Variants in ZNF354A observed in about 807,000 individuals in gnomAD.
ZNF354A encodes epididymis luminal protein 104.
A neutral mutation model predicts 53.3 loss-of-function variants in ZNF354A; 25 were observed. That is an observed-to-expected ratio of 0.47 (90% confidence interval 0.34 to 0.66). The LOEUF is 0.66. Ranked by LOEUF, ZNF354A falls within the 30% of genes least tolerant of loss-of-function variation. ZNF354A has a pLI of 0.01. For missense variants in ZNF354A, 586 were observed against 716.8 expected (o/e 0.82, Z 2.08); for synonymous variants, 228 against 249.0 (o/e 0.92, Z 0.79).
rs535784696 is a variant in ZNF354A at position 178,720,936 on chromosome 5, C to A, written c.256+4440G>T. On this transcript the variant is annotated intron_variant, in intron 4 of 4. Coordinates refer to ENST00000335815, the MANE Select transcript of ZNF354A (RefSeq NM_005649.3). ...ATTCTTTTTGTGGCTAAGCCACCAACCTGGAACACAATTAGGGTTGTTTCA... is the reference window on the plus strand; with the variant it reads ...ATTCTTTTTGTGGCTAAGCCACCAAACTGGAACACAATTAGGGTTGTTTCA... Among the ~76,000 whole-genome samples the A allele has an allele frequency of 7.2e-5, 11 of 152,312 alleles. No homozygotes were observed. In the South Asian group the frequency reaches 1.9e-3, roughly 26 times the overall value.
At chr5:178,717,656 G>C (rs1262689705) in intron 4 of ZNF354A, among the ~76,000 whole-genome samples, 1 of 152,092 alleles carries the variant, frequency 6.6e-6, no homozygotes, top group African/African-American at 2.4e-5. Context: ...GAGATCTGGG[G>C]GAGGTCAGAG....
At chr5:178,729,194 A>C (rs921963213) in intron 1 of ZNF354A, 121 bp from the exon 2 acceptor site, 1 of 561,860 alleles carries the variant, frequency 1.8e-6, no homozygotes, top group Non-Finnish European at 3.2e-6. Flanking sequence ...ATTCGGGAGG[A>C]GCCAGGAGCC....
chr5:178,723,386 G>T (rs988490525), intron 4 of ZNF354A, among the ~76,000 whole-genome samples: 23 of 152,188 alleles, frequency 1.5e-4, no homozygotes, highest in Non-Finnish European at 3.2e-4. Context: ...GGCTACTTAC[G>T]GCTCCTCAGA....
chr5:178,712,550 C>T lies in ZNF354A; in HGVS notation c.1328G>A (p.Cys443Tyr). Residue 443 changes from cysteine (C) to tyrosine (Y), a missense_variant, in exon 5 of 5, where the codon TGT (cysteine) becomes TAT (tyrosine). Coordinates refer to ENST00000335815, the MANE Select transcript of ZNF354A (RefSeq NM_005649.3). ...TGAGTGGGAGCTTAAGGCTTTACCA[C>T]ATTCATTACAATTATAAAACTTCTC... ...TGEKFYNCNE[C>Y]GKALSSHSTL... is the part of the protein sequence containing the mutation. 2 of 1,614,190 alleles carry T rather than the reference C, an allele frequency of 1.2e-6. No homozygotes were observed. Among genetic ancestry groups the T allele is most frequent in the Middle Eastern group, 1.6e-4 (1 of 6,062 alleles).
rs202006356 is a variant in ZNF354A at position 178,728,637 on chromosome 5, A to C, written c.33+353T>G. ...AAACCCCATCTCTAATAAAAGCACA[A>C]AAAAAAAAACTTAGCCGGGCGTGAT... On this transcript the variant is annotated intron_variant, in intron 2 of 4. Transcript: ENST00000335815. Among the ~76,000 whole-genome samples, 515 of 89,354 alleles carry C rather than the reference A, an allele frequency of 5.8e-3. 1 individual carries two copies. Among genetic ancestry groups the C allele is most frequent in the Non-Finnish European group, 0.011 (372 of 33,942 alleles). The allele number at this position is 89,354 out of a possible 152,430, so 58.6% of individuals were successfully genotyped here.
At chr5:178,726,901 G>C (rs991548661) in intron 3 of ZNF354A, 98 bp downstream of exon 3, 1 of 1,500,464 alleles carries the variant, frequency 6.7e-7, no homozygotes, top group Non-Finnish European at 8.9e-7. Flanking sequence ...CACACACTCA[G>C]CTCAAATTTT....
Position 178,725,390 on chromosome 5 carries a change from C to A in ZNF354A, c.242G>T (p.Gly81Val), listed in dbSNP as rs770115040. The A allele has an allele frequency of 6.2e-7, 1 of 1,613,862 alleles. No individual in the cohort carries two copies. Among genetic ancestry groups the A allele is most frequent in the Non-Finnish European group, 8.5e-7 (1 of 1,180,012 alleles). Residue 81 changes from glycine (G) to valine (V), a missense_variant, in exon 4 of 5, where the codon GGC (glycine) becomes GTC (valine). Physicochemically the swap from Gly to Val is moderately radical, Grantham distance 109. Transcript: ENST00000335815. ...DPWEVEKDGS[G>V]VSSLGSKSSH... ...CACCCACTTACCTAGAGAGGAGACG[C>A]CAGAACCGTCTTTCTCCACCTCCCA...
Position 178,720,275 on chromosome 5 carries a change from T to C in ZNF354A, c.256+5101A>G, listed in dbSNP as rs529117829. Among the ~76,000 whole-genome samples the C allele has an allele frequency of 1.1e-4, 17 of 152,346 alleles. No individual in the cohort carries two copies. In the East Asian group the frequency reaches 2.9e-3, roughly 26 times the overall value. On this transcript the variant is annotated intron_variant, in intron 4 of 4. Coordinates refer to ENST00000335815, the MANE Select transcript of ZNF354A (RefSeq NM_005649.3). ...CAACCTTGTTATGGGCTGAACCGCATCATTCAAAAGAGAGACGTAGAAGTC... is the reference window on the plus strand; with the variant it reads ...CAACCTTGTTATGGGCTGAACCGCACCATTCAAAAGAGAGACGTAGAAGTC...
At chr5:178,726,394 T>C (rs1008435234) in intron 3 of ZNF354A, among the ~76,000 whole-genome samples, 1 of 151,164 alleles carries the variant, frequency 6.6e-6, no homozygotes, top group African/African-American at 2.4e-5. Context: ...CACTGCAAGC[T>C]CCTCGCCATT....
At position 178,711,600 on chromosome 5, in the gene ZNF354A, A is replaced by G. The variant is rs1765618911; in HGVS notation, c.*460T>C. 3 of 153,864 alleles carry G rather than the reference A, an allele frequency of 1.9e-5. No homozygotes were observed. In the Middle Eastern group the frequency reaches 0.01, roughly 520 times the overall value. The allele number at this position is 153,864 out of a possible 1,614,324, so 9.5% of individuals were successfully genotyped here. A position where few individuals can be genotyped will look rare whatever the true frequency, so the allele number is the denominator to read the frequency against. On this transcript the variant is annotated 3_prime_UTR_variant, in exon 5 of 5. Coordinates refer to ENST00000335815, the MANE Select transcript of ZNF354A (RefSeq NM_005649.3). ...AACCCCAGAGACTGAGAGGTAGTTCATAATTCATTTTTCTTTTATTTTGGT... is the reference window on the plus strand; with the variant it reads ...AACCCCAGAGACTGAGAGGTAGTTCGTAATTCATTTTTCTTTTATTTTGGT...
intron 4 of ZNF354A, among the ~76,000 whole-genome samples, chr5:178,719,545 A>G (rs761688739): frequency 6.6e-6 from 1 of 152,228 alleles, no homozygotes; most frequent in Non-Finnish European, 1.5e-5. Context: ...CAAGGGCTGA[A>G]GGCAGCACCC....
At chr5:178,724,582 C>T (rs1174999308) in intron 4 of ZNF354A, among the ~76,000 whole-genome samples, 1 of 152,158 alleles carries the variant, frequency 6.6e-6, no homozygotes, top group Non-Finnish European at 1.5e-5. Context: ...GAATTCAAAT[C>T]ACATAAGAAC....
Position 178,725,434 on chromosome 5 carries a change from C to T in ZNF354A, c.198G>A (p.Leu66=). The T allele has an allele frequency of 1.9e-6, 3 of 1,614,190 alleles. No homozygotes were observed. Among genetic ancestry groups the T allele is most frequent in the Non-Finnish European group, 2.5e-6 (3 of 1,180,018 alleles). Residue 66 remains leucine (L), a synonymous_variant, in exon 4 of 5, where the codon TTG becomes TTA. Coordinates refer to ENST00000335815, the MANE Select transcript of ZNF354A (RefSeq NM_005649.3). ...PFTKPKVISL[L]QQGEDPWEVE... is the part of the protein sequence containing the mutation. Reference sequence around the variant, plus strand: ...CCTCCCAGGGATCTTCTCCTTGCTGCAACAGGGAGATCACTTTTGGTTTGG... The same window carrying T: ...CCTCCCAGGGATCTTCTCCTTGCTGTAACAGGGAGATCACTTTTGGTTTGG...
intron 4 of ZNF354A, among the ~76,000 whole-genome samples, chr5:178,719,245 C>T (rs901196480): frequency 2.0e-5 from 3 of 152,282 alleles, no homozygotes; most frequent in South Asian, 2.1e-4. Flanking sequence ...CAGTTCCCTA[C>T]GGATCCAGTA....
rs1042804085 is a variant in ZNF354A at position 178,730,635 on chromosome 5, A to G, written c.-131T>C. The stretch of plus-strand genomic sequence containing the variant: ...CCGCCGGCCGGGATGCAGCCTCGCG[A>G]CCCGGCTCCGCCCCGACGGCGTCTG... On this transcript the variant is annotated 5_prime_UTR_variant, in exon 1 of 5. Transcript: ENST00000335815. The G allele has an allele frequency of 4.0e-5, 6 of 151,560 alleles. No homozygotes were observed. Among genetic ancestry groups the G allele is most frequent in the Admixed American group, 3.9e-4 (6 of 15,242 alleles). The allele number at this position is 151,560 out of a possible 1,614,324, so 9.4% of individuals were successfully genotyped here. A position where few individuals can be genotyped will look rare whatever the true frequency, so the allele number is the denominator to read the frequency against.
chr5:178,727,256 G>A, intron 2 of ZNF354A, 131 bp from the exon 3 acceptor site: 6 of 1,031,910 alleles, frequency 5.8e-6, no homozygotes, highest in Admixed American at 3.3e-5. Flanking sequence ...CAGATCATTC[G>A]TTTAATGAAT....
At chr5:178,728,525 C>T (rs979853386) in intron 2 of ZNF354A, among the ~76,000 whole-genome samples, 4 of 151,796 alleles carry the variant, frequency 2.6e-5, no homozygotes, top group African/African-American at 9.7e-5. Context: ...TGCAGTGGCG[C>T]ACATCTGTAA....
chr5:178,718,342 G>A (rs1765752872), intron 4 of ZNF354A, among the ~76,000 whole-genome samples: 1 of 152,180 alleles, frequency 6.6e-6, no homozygotes, highest in Admixed American at 6.5e-5. Context: ...GTCAGAAGTT[G>A]AGAAGCCAGA....
At chr5:178,728,161 T>C (rs1461745258) in intron 2 of ZNF354A, among the ~76,000 whole-genome samples, 1 of 152,152 alleles carries the variant, frequency 6.6e-6, no homozygotes, top group Non-Finnish European at 1.5e-5. Flanking sequence ...AAATTTTGTA[T>C]CCTCTCTGTG....
Sources: allele counts gnomAD v4.1 joint callset (sites outside exome capture counted in the v4.1 genomes callset), GRCh38; gene constraint gnomAD v4.1.1; transcripts MANE v1.5; gene names NCBI Gene and HGNC (gene_info 2026-07-23, HGNC 2026-07-21).